FOXP2: variants seen among roughly 807,000 people sequenced by gnomAD.
FOXP2 encodes forkhead box P2, also known as forkhead box protein P2.
Under a neutral mutation model 115.8 loss-of-function variants are expected in FOXP2, and 12 were observed. That is an observed-to-expected ratio of 0.10 (90% CI 0.07 to 0.17). The LOEUF is 0.17. Among genes scored for constraint, FOXP2 ranks in the 10% least tolerant of loss-of-function variants. The pLI, the probability that FOXP2 is intolerant of heterozygous loss-of-function variation, is 1.00. For synonymous variants in FOXP2, 328 were observed against 297.7 expected (o/e 1.10, Z -1.05); for missense variants, 629 against 843.5 (o/e 0.75, Z 3.15).
intron 16 of FOXP2, among the ~76,000 whole-genome samples, chr7:114,686,960 C>T (rs975819381): frequency 6.6e-6 from 1 of 152,066 alleles, no homozygotes; most frequent in African/African-American, 2.4e-5. Flanking sequence ...AATTTGCATG[C>T]ACTATAGTAA....
chr7:114,497,248 T>A (rs2129249379), intron 2 of FOXP2, among the ~76,000 whole-genome samples: 1 of 152,360 alleles, frequency 6.6e-6, no homozygotes, highest in Non-Finnish European at 1.5e-5. Context: ...ACAGCTTTCA[T>A]CTTTCCTATT....
intron 2 of FOXP2, among the ~76,000 whole-genome samples, chr7:114,505,734 A>G (rs1263396092): frequency 6.6e-6 from 1 of 151,582 alleles, no homozygotes; most frequent in South Asian, 2.1e-4. Flanking sequence ...TATGTGATCT[A>G]TAGGGTTTTT....
Position 114,629,863 on chromosome 7 carries a change from A to T in FOXP2, c.455A>T (p.Gln152Leu). The change falls in exon 5 of 17, where the codon CAG (glutamine) becomes CTG (leucine). Residue 152 changes from glutamine (Q) to leucine (L), a missense_variant. By Grantham distance (113) the Gln-to-Leu change is moderately radical (BLOSUM62 -2). Coordinates refer to ENST00000350908, the MANE Select transcript of FOXP2 (RefSeq NM_014491.4). ...QQEQLHLQLLQQQQQQQQQQQ... is the reference protein window; with the variant it reads ...QQEQLHLQLLLQQQQQQQQQQ... ...GAGCAGTTACATCTTCAGCTTTTGCAGCAGCAGCAGCAACAGCAGCAGCAG... is the reference window on the plus strand; with the variant it reads ...GAGCAGTTACATCTTCAGCTTTTGCTGCAGCAGCAGCAACAGCAGCAGCAG... 1 of 1,612,928 alleles carries T rather than the reference A, an allele frequency of 6.2e-7. No homozygotes were observed. The highest frequency in any genetic ancestry group is 1.7e-5 in the Admixed American group (1 of 59,926).
At chr7:114,406,551 A>T (rs1022282145) in intron 2 of FOXP2, among the ~76,000 whole-genome samples, 1 of 152,006 alleles carries the variant, frequency 6.6e-6, no homozygotes, top group African/African-American at 2.4e-5. Context: ...GCACTGTAAA[A>T]ATAGTTGTTA....
At chr7:114,269,163 AGAGTT>A (rs1795974659) in intron 1 of FOXP2, among the ~76,000 whole-genome samples, 1 of 152,186 alleles carries the variant, frequency 6.6e-6, no homozygotes, top group African/African-American at 2.4e-5. Flanking sequence ...GATACGGCTT[AGAGTT>A]TAGGGTCCTC....
At chr7:114,281,837 C>G (rs1796344545) in intron 1 of FOXP2, among the ~76,000 whole-genome samples, 1 of 152,004 alleles carries the variant, frequency 6.6e-6, no homozygotes, top group Non-Finnish European at 1.5e-5. Flanking sequence ...TATTTCATCT[C>G]TATTTCTGTG....
intron 2 of FOXP2, among the ~76,000 whole-genome samples, chr7:114,452,955 T>C (rs1186953556): frequency 6.6e-6 from 1 of 152,126 alleles, no homozygotes; most frequent in East Asian, 1.9e-4. Context: ...GTGTTTGAGC[T>C]AATTAAACTG....
intron 1 of FOXP2, among the ~76,000 whole-genome samples, chr7:114,103,772 AT>A (rs1420527360): frequency 6.6e-6 from 1 of 151,988 alleles, no homozygotes; most frequent in African/African-American, 2.4e-5. Context: ...GAACAAAATA[AT>A]TTCATTTTTT....
intron 3 of FOXP2, among the ~76,000 whole-genome samples, chr7:114,572,777 G>T (rs1413473049): frequency 6.6e-6 from 1 of 151,772 alleles, no homozygotes; most frequent in Non-Finnish European, 1.5e-5. Context: ...TGAGAGAAAA[G>T]AAATCTATAG....
At chr7:114,305,804 A>T (rs1797000372) in intron 2 of FOXP2, among the ~76,000 whole-genome samples, 1 of 152,260 alleles carries the variant, frequency 6.6e-6, no homozygotes, top group East Asian at 1.9e-4. Context: ...AACTCATTTA[A>T]TATTTCACCG....
At chr7:114,310,608 G>C (rs569839193) in intron 2 of FOXP2, among the ~76,000 whole-genome samples, 3 of 151,994 alleles carry the variant, frequency 2.0e-5, no homozygotes, top group African/African-American at 7.3e-5. Context: ...AGGCATCAGA[G>C]TTTCTAGTTG....
Position 114,644,545 on chromosome 7 carries a change from G to T in FOXP2, c.990-140G>T, listed in dbSNP as rs1357871592. The T allele has an allele frequency of 1.0e-5, 7 of 701,598 alleles. No homozygotes were observed. The Admixed American group carries it at 1.4e-4, about 14-fold the overall frequency. The allele number at this position is 701,598 out of a possible 1,614,324, so 43.5% of individuals were successfully genotyped here. ...TGGCAGTTGAACTATTCAATAGAAC[G>T]ATTAAATTTTTCTGACTGCTCTGAG... On this transcript the variant is annotated intron_variant, in intron 7 of 16. Transcript: ENST00000350908.
At chr7:114,685,776 A>G (rs1336525884) in intron 16 of FOXP2, among the ~76,000 whole-genome samples, 1 of 152,182 alleles carries the variant, frequency 6.6e-6, no homozygotes, top group East Asian at 1.9e-4. Flanking sequence ...CTTTTCTTAT[A>G]TCTGTGATAC....
chr7:114,307,435 T>A (rs969177912), intron 2 of FOXP2, among the ~76,000 whole-genome samples: 2 of 152,064 alleles, frequency 1.3e-5, no homozygotes, highest in African/African-American at 4.8e-5. Flanking sequence ...ACAGATACAC[T>A]GATATTTAGT....
intron 2 of FOXP2, among the ~76,000 whole-genome samples, chr7:114,396,311 T>G (rs1333559324): frequency 1.3e-5 from 2 of 152,082 alleles, no homozygotes; most frequent in African/African-American, 4.8e-5. Flanking sequence ...ACACAATGAC[T>G]TCCAGTTCCA....
At chr7:114,112,358 G>GTGAT (rs1791292511) in intron 1 of FOXP2, among the ~76,000 whole-genome samples, 1 of 151,956 alleles carries the variant, frequency 6.6e-6, no homozygotes, top group Non-Finnish European at 1.5e-5. Flanking sequence ...GTGCAGTGAT[G>GTGAT]TGATCTCAGC....
At chr7:114,659,513 C>G in intron 12 of FOXP2, 59 bp from the exon 13 acceptor site, 1 of 1,578,020 alleles carries the variant, frequency 6.3e-7, no homozygotes, top group Non-Finnish European at 8.7e-7. Context: ...GAGAAAGTGT[C>G]ATCTAGTCTA....
intron 1 of FOXP2, among the ~76,000 whole-genome samples, chr7:114,149,290 A>G (rs1282791100): frequency 1.3e-5 from 2 of 151,904 alleles, no homozygotes; most frequent in South Asian, 2.1e-4. Flanking sequence ...ACTTGTGAAC[A>G]GTGGTCTTGA....
chr7:114,594,536 A>G (rs750332460), intron 3 of FOXP2, among the ~76,000 whole-genome samples: 1 of 152,058 alleles, frequency 6.6e-6, no homozygotes, highest in African/African-American at 2.4e-5. Flanking sequence ...CTGTTACAAG[A>G]TATGTACATA....
Sources: allele counts gnomAD v4.1 joint callset (sites outside exome capture counted in the v4.1 genomes callset), GRCh38; gene constraint gnomAD v4.1.1; transcripts MANE v1.5; gene names NCBI Gene and HGNC (gene_info 2026-07-23, HGNC 2026-07-21).